The following MAMDC2 variants were observed in gnomAD, a reference collection of about 807,000 sequenced individuals.
MAMDC2 encodes MAM domain-containing protein 2.
In MAMDC2, 57 loss-of-function variants were observed where a neutral mutation model predicts 89.8. The observed-to-expected ratio is 0.63, with a 90% CI of 0.51 to 0.79. MAMDC2 has a LOEUF of 0.79. Among genes scored for constraint, MAMDC2 ranks in the 30% least tolerant of loss-of-function variants. MAMDC2 has a pLI of 0.00. For missense variants in MAMDC2, 800 were observed against 820.6 expected (o/e 0.97, Z 0.31); for synonymous variants, 313 against 293.4 (o/e 1.07, Z -0.68).
chr9:70,218,976 A>C (rs550768345), intron 12 of MAMDC2, among the ~76,000 whole-genome samples: 1 of 152,260 alleles, frequency 6.6e-6, no homozygotes, highest in South Asian at 2.1e-4. Context: ...CATTACTCAC[A>C]TACATCTAAG....
chr9:70,148,805 G>A (rs1369475874), intron 9 of MAMDC2, among the ~76,000 whole-genome samples: 2 of 149,686 alleles, frequency 1.3e-5, no homozygotes, highest in Admixed American at 6.7e-5. Flanking sequence ...CGAGGCGGGC[G>A]GATCATGAGG....
intron 2 of MAMDC2, among the ~76,000 whole-genome samples, chr9:70,093,494 C>T (rs551295254): frequency 8.2e-4 from 123 of 149,288 alleles, no homozygotes; most frequent in Admixed American, 4.2e-3. Flanking sequence ...GGTAAGATCT[C>T]GGGTTACTGA....
At chr9:70,166,665 G>C (rs1471187904) in intron 9 of MAMDC2, among the ~76,000 whole-genome samples, 1 of 151,892 alleles carries the variant, frequency 6.6e-6, no homozygotes, top group East Asian at 1.9e-4. Flanking sequence ...TTACTTGCTT[G>C]TATGGTTTTA....
At chr9:70,188,580 A>G (rs1272097124) in intron 11 of MAMDC2, 2 of 151,966 alleles carry the variant, frequency 1.3e-5, no homozygotes, top group African/African-American at 4.8e-5. Context: ...AAGAGGGTGC[A>G]CCATTCCTGG....
intron 11 of MAMDC2, among the ~76,000 whole-genome samples, chr9:70,190,076 A>G (rs1158540833): frequency 2.6e-5 from 4 of 152,164 alleles, no homozygotes; most frequent in Non-Finnish European, 4.4e-5. Context: ...AGTAAGTCCA[A>G]TGTCTTGACT....
At chr9:70,133,898 G>A (rs2030903366) in intron 7 of MAMDC2, among the ~76,000 whole-genome samples, 1 of 152,182 alleles carries the variant, frequency 6.6e-6, no homozygotes, top group African/African-American at 2.4e-5. Context: ...AAGGGCACTA[G>A]CTTGATGATT....
intron 5 of MAMDC2, among the ~76,000 whole-genome samples, chr9:70,119,008 T>G (rs2030158155): frequency 6.6e-6 from 1 of 152,156 alleles, no homozygotes; most frequent in Non-Finnish European, 1.5e-5. Context: ...TAGTAAGAAT[T>G]GTGATAGGAC....
chr9:70,212,330 G>T (rs1028356373), intron 11 of MAMDC2, among the ~76,000 whole-genome samples: 1 of 152,244 alleles, frequency 6.6e-6, no homozygotes, highest in African/African-American at 2.4e-5. Flanking sequence ...AGCAATGGCA[G>T]ATGCCCCTTC....
intron 11 of MAMDC2, among the ~76,000 whole-genome samples, chr9:70,177,840 G>A (rs1300409104): frequency 6.6e-6 from 1 of 152,176 alleles, no homozygotes. Flanking sequence ...CAACTTATAT[G>A]TGAAAAGCAC....
chr9:70,064,874 C>T (rs1193274602), intron 2 of MAMDC2, among the ~76,000 whole-genome samples: 2 of 152,126 alleles, frequency 1.3e-5, no homozygotes, highest in African/African-American at 4.8e-5. Context: ...CAGTAAGAAA[C>T]CTGGGTTAGT....
At chr9:70,206,776 T>A (rs2118649225) in intron 11 of MAMDC2, among the ~76,000 whole-genome samples, 1 of 152,186 alleles carries the variant, frequency 6.6e-6, no homozygotes, top group African/African-American at 2.4e-5. Context: ...CTATCCTTCC[T>A]CTCTCTCCCC....
intron 11 of MAMDC2, among the ~76,000 whole-genome samples, chr9:70,207,713 A>C (rs1377209850): frequency 6.6e-6 from 1 of 152,166 alleles, no homozygotes; most frequent in Non-Finnish European, 1.5e-5. Context: ...GCCCATGCCT[A>C]TGTCCTGAAT....
At chr9:70,123,556 G>T (rs1166194385) in intron 5 of MAMDC2, among the ~76,000 whole-genome samples, 1 of 152,128 alleles carries the variant, frequency 6.6e-6, no homozygotes, top group East Asian at 1.9e-4. Context: ...GGAGTGTTAG[G>T]CGTTGAATTG....
chr9:70,084,310 G>T (rs1361195659), intron 2 of MAMDC2, among the ~76,000 whole-genome samples: 1 of 152,006 alleles, frequency 6.6e-6, no homozygotes, highest in African/African-American at 2.4e-5. Flanking sequence ...TCTCACTCAA[G>T]GTGACCTGAC....
At chr9:70,180,701 G>T (rs1587549060) in intron 11 of MAMDC2, among the ~76,000 whole-genome samples, 1 of 152,104 alleles carries the variant, frequency 6.6e-6, no homozygotes, top group Non-Finnish European at 1.5e-5. Flanking sequence ...GCCACTTTTT[G>T]ATGGGGGTTG....
intron 11 of MAMDC2, among the ~76,000 whole-genome samples, chr9:70,179,738 G>A (rs1384871704): frequency 2.0e-5 from 3 of 149,642 alleles, no homozygotes; most frequent in Non-Finnish European, 4.4e-5. Context: ...GGTATAGTGT[G>A]TAGAAAGATG....
chr9:70,190,558 GT>G (rs34267939), intron 11 of MAMDC2, among the ~76,000 whole-genome samples: 75,861 of 143,614 alleles, frequency 0.53, 22,342 homozygotes, highest in Non-Finnish European at 0.67. Flanking sequence ...GAGTTTCTCA[GT>G]TTTTTTTTTT....
chr9:70,092,560 A>G (rs1827927053), intron 2 of MAMDC2: 1 of 152,210 alleles, frequency 6.6e-6, no homozygotes, highest in Non-Finnish European at 1.5e-5. Context: ...AGACTGCCTA[A>G]GTAGGGGTTT....
chr9:70,208,188 T>C (rs2033271132), intron 11 of MAMDC2, among the ~76,000 whole-genome samples: 1 of 152,214 alleles, frequency 6.6e-6, no homozygotes, highest in South Asian at 2.1e-4. Flanking sequence ...GGTAGCTTGA[T>C]GGGGATGGCA....
Sources: gnomAD v4.1 joint callset for allele counts (sites outside exome capture counted in the v4.1 genomes callset) on GRCh38, gnomAD v4.1.1 for gene constraint, MANE v1.5 for transcripts, NCBI Gene and HGNC (gene_info 2026-07-23, HGNC 2026-07-21) for gene names.